Variants in ARHGEF1 observed in about 807,000 individuals in gnomAD.
ARHGEF1 encodes the protein Rho guanine nucleotide exchange factor 1, also known as 115 kDa guanine nucleotide exchange factor.
In ARHGEF1, 40 loss-of-function variants were observed where a neutral mutation model predicts 119.7. The ratio of observed to expected loss-of-function variants is 0.33; its 90% CI spans 0.26 to 0.44. ARHGEF1 has a LOEUF of 0.44. ARHGEF1 is among the 20% of genes least tolerant of loss of function. The pLI, the probability that ARHGEF1 is intolerant of heterozygous loss-of-function variation, is 1.00. For missense variants in ARHGEF1, 976 were observed against 1,268.3 expected (o/e 0.77, Z 3.50); for synonymous variants, 494 against 521.0 (o/e 0.95, Z 0.71).
In ARHGEF1 at chr19:41,903,494, C is replaced by A; in HGVS notation, c.1839+87C>A. 7.5e-7 allele frequency: 1 copy of A among 1,341,262 alleles called. No homozygotes were observed. The highest frequency in any genetic ancestry group is 1.0e-6 in the Non-Finnish European group (1 of 954,408). The allele number at this position is 1,341,262 out of a possible 1,614,324, so 83.1% of individuals were successfully genotyped here. A position where few individuals can be genotyped will look rare whatever the true frequency, so the allele number is the denominator to read the frequency against. On this transcript the variant is annotated intron_variant, in intron 19 of 28. Transcript: ENST00000354532. The surrounding 1 kb of genome is among the most constrained non-coding windows in gnomAD (Gnocchi z 4.2). ...TACCTCAGCCTGTCCAGAAGTCACA[C>A]CCCACCCCTTGGCTTGTCTCCCTCA...
downstream of ARHGEF1, chr19:41,908,975 TCTC>T (rs2074736477): frequency 1.1e-6 from 1 of 874,084 alleles, no homozygotes; most frequent in Non-Finnish European, 1.5e-6. The surrounding 1 kb of genome is among the most constrained non-coding windows in gnomAD (Gnocchi z 6.7). Flanking sequence ...CCCCATCTCT[TCTC>T]TTGTCTTTTC....
exon 2 of ARHGEF1, chr19:41,928,873 A>G (rs1555853587): frequency 6.6e-6 from 3 of 455,192 alleles, no homozygotes; most frequent in South Asian, 4.7e-5. Flanking sequence ...GGAGGTGGCG[A>G]CGATGCGTCC....
chr19:41,922,219 G>A (rs1004464794), upstream of ARHGEF1, among the ~76,000 whole-genome samples: 4 of 152,108 alleles, frequency 2.6e-5, no homozygotes, highest in Admixed American at 6.5e-5. Flanking sequence ...GACAGAGCCC[G>A]GGGCTTGGCA....
chr19:41,903,388 G>A lies in ARHGEF1; in HGVS notation c.1820G>A (p.Arg607His), dbSNP rs782286874. The A allele has an allele frequency of 1.9e-6, 3 of 1,614,000 alleles. No homozygotes were observed. The highest frequency in any genetic ancestry group is 1.7e-5 in the Admixed American group (1 of 60,022). ...CTACACCACGTCAACCAAGCCGTGC[G>A]TGACATGGAGGACCTGCTGGTGAGC... ...EILHHVNQAV[R>H]DMEDLLRLKD... is the part of the protein sequence containing the mutation. Residue 607 changes from arginine (R) to histidine (H), a missense_variant, in exon 19 of 29, where the codon CGT (arginine) becomes CAT (histidine). Transcript: ENST00000354532. The surrounding 1 kb of genome is among the most constrained non-coding windows in gnomAD (Gnocchi z 4.2).
Position 41,917,034 on chromosome 19 carries a change from G to A in ARHGEF1, c.1866-6058G>A, listed in dbSNP as rs2074805799. The stretch of plus-strand genomic sequence containing the variant: ...GGTGTGTGTGTGTGTGTGCACATAT[G>A]TGACACGTGCCCTTGTCTCAGACCT... On this transcript the variant is annotated intron_variant, in intron 18 of 20. Transcript: ENST00000599589. This position sits in a 1 kb window ranked among gnomAD's most constrained non-coding sequence, Gnocchi z 4.8. Among the ~76,000 whole-genome samples, 1 of 152,042 alleles carries A rather than the reference G, an allele frequency of 6.6e-6. No homozygotes were observed. Among genetic ancestry groups the A allele is most frequent in the Non-Finnish European group, 1.5e-5 (1 of 68,022 alleles).
chr19:41,892,342 G>T lies in ARHGEF1; in HGVS notation c.336G>T (p.Val112=), dbSNP rs1364833590. Residue 112 remains valine (V), a synonymous_variant, in exon 6 of 29, where the codon GTG becomes GTT. Transcript: ENST00000354532. This position sits in a 1 kb window ranked among gnomAD's most constrained non-coding sequence, Gnocchi z 6.3. ...TCTCTCTTGAGCAGGTTCTCCGGGTGCCGGTCCCTCCCAACGTCGCCTTTG... is the reference window on the plus strand; with the variant it reads ...TCTCTCTTGAGCAGGTTCTCCGGGTTCCGGTCCCTCCCAACGTCGCCTTTG... ...SFLEKTAVLR[V]PVPPNVAFEL... 10 of 1,613,874 alleles carry T rather than the reference G, an allele frequency of 6.2e-6. No individual in the cohort carries two copies. The highest frequency in any genetic ancestry group is 1.7e-5 in the Admixed American group (1 of 60,004).
upstream of ARHGEF1, among the ~76,000 whole-genome samples, chr19:41,922,218 C>T (rs527830002): frequency 1.7e-4 from 26 of 152,150 alleles, no homozygotes; most frequent in South Asian, 5.2e-3. Context: ...CGACAGAGCC[C>T]GGGGCTTGGC....
At chr19:41,908,989 T>C, downstream of ARHGEF1, 1 of 979,494 alleles carries the variant, frequency 1.0e-6, no homozygotes, top group South Asian at 5.4e-5. The surrounding 1 kb of genome is among the most constrained non-coding windows in gnomAD (Gnocchi z 6.7). Flanking sequence ...TTGTCTTTTC[T>C]CATCCTCTTC....
rs77535707 is a variant in ARHGEF1 at position 41,925,429 on chromosome 19, C to T, written c.140+2196C>T. On this transcript the variant is annotated intron_variant, in intron 1 of 2. Coordinates refer to the ARHGEF1 transcript ENST00000594417. The stretch of plus-strand genomic sequence containing the variant: ...GCCAAGGACAGACTCCTGCCCCAAA[C>T]GTGTGTGTGTAAAGTAATGTTGTGT... 9.8e-4 allele frequency among the ~76,000 whole-genome samples: 149 copies of T among 152,034 alleles called. No individual in the cohort carries two copies. In the East Asian group the frequency reaches 0.024, roughly 24 times the overall value.
rs548776443 is a variant in ARHGEF1 at position 41,902,319 on chromosome 19, A to C, written c.1460A>C (p.Tyr487Ser). Residue 487 changes from tyrosine (Y) to serine (S), a missense_variant, in exon 16 of 29, where the codon TAC becomes TCC. Transcript: ENST00000354532. This position sits in a 1 kb window ranked among gnomAD's most constrained non-coding sequence, Gnocchi z 6.5. Reference sequence around the variant, plus strand: ...ATGAAGCGGAGGCAGGAGAGTGGCTACCTCATCGAGGAGATCGGAGACGTG... The same window carrying C: ...ATGAAGCGGAGGCAGGAGAGTGGCTCCCTCATCGAGGAGATCGGAGACGTG... Reference protein sequence around the residue: ...RLMKRRQESGYLIEEIGDVLL... With the variant: ...RLMKRRQESGSLIEEIGDVLL... 2 of 1,613,988 alleles carry C rather than the reference A, an allele frequency of 1.2e-6. No homozygotes were observed. Among genetic ancestry groups the C allele is most frequent in the South Asian group, 2.2e-5 (2 of 91,082 alleles).
At position 41,907,360 on chromosome 19, in the gene ARHGEF1, G is replaced by C; in HGVS notation, c.*273G>C. 6.5e-7 allele frequency: 1 copy of C among 1,534,406 alleles called. No homozygotes were observed. Among genetic ancestry groups the C allele is most frequent in the Non-Finnish European group, 8.7e-7 (1 of 1,146,326 alleles). On this transcript the variant is annotated 3_prime_UTR_variant, in exon 29 of 29. Coordinates refer to ENST00000354532, the MANE Select transcript of ARHGEF1 (RefSeq NM_004706.4). ...GGGCCATCTCAGTATTGCCTGTGGG[G>C]GCCACCCCTCCACCCCCACCCCCAA...
At chr19:41,910,060 T>C, downstream of ARHGEF1, 3 of 1,613,412 alleles carry the variant, frequency 1.9e-6, no homozygotes, top group African/African-American at 1.3e-5. The surrounding 1 kb of genome is among the most constrained non-coding windows in gnomAD (Gnocchi z 4.4). Flanking sequence ...AGCCAGGGGA[T>C]GACTCTGGCT....
Position 41,893,261 on chromosome 19 carries a change from C to A in ARHGEF1, c.615-13C>A. On this transcript the variant is annotated splice_polypyrimidine_tract_variant and intron_variant, in intron 7 of 28. Transcript: ENST00000354532. ...TAGCAAATATGTCACAAACATCTCT[C>A]TTCCTCCTACAGACATACCATCTCT... 1 of 1,612,480 alleles carries A rather than the reference C, an allele frequency of 6.2e-7. No individual in the cohort carries two copies. The highest frequency in any genetic ancestry group is 1.1e-5 in the South Asian group (1 of 90,824).
chr19:41,885,267 A>G (rs920282631), intron 1 of ARHGEF1, among the ~76,000 whole-genome samples: 10 of 151,938 alleles, frequency 6.6e-5, no homozygotes, highest in African/African-American at 2.4e-4. Context: ...CCAACCCCCA[A>G]GCCTCTGTGG....
Position 41,905,014 on chromosome 19 carries a change from C to T in ARHGEF1, c.2227C>T (p.Gln743Ter), listed in dbSNP as rs781877132. The stretch of plus-strand genomic sequence containing the variant: ...GGCCCAGATATACGAGCTGGTGGCA[C>T]AGACTGTGTCGGAGCGGAAAAAGTG... ...QEAQIYELVA[Q>*]TVSERKNWCA... The change falls in exon 23 of 29, where the codon CAG (glutamine) becomes TAG (stop). Residue 743 changes from glutamine to a stop codon, truncating the protein, a stop_gained. Transcript: ENST00000354532. LOFTEE classifies it high-confidence loss of function. This position sits in a 1 kb window ranked among gnomAD's most constrained non-coding sequence, Gnocchi z 6.4. The T allele has an allele frequency of 6.2e-7, 1 of 1,614,162 alleles. No homozygotes were observed. Among genetic ancestry groups the T allele is most frequent in the Non-Finnish European group, 8.5e-7 (1 of 1,180,000 alleles).
downstream of ARHGEF1, chr19:41,907,607 A>C (rs2074723009): frequency 3.4e-6 from 2 of 580,590 alleles, no homozygotes; most frequent in Non-Finnish European, 5.9e-6. Context: ...GTTACTCCCC[A>C]GGCACTCCGT....
intron 13 of ARHGEF1, chr19:41,897,317 G>A (rs782775619): frequency 7.9e-7 from 1 of 1,271,810 alleles, no homozygotes; most frequent in South Asian, 1.3e-5. Context: ...CTCCCCAGAA[G>A]GTGGAAGAGG....
Position 41,892,930 on chromosome 19 carries a change from G to A in ARHGEF1, c.614+81G>A, listed in dbSNP as rs182142459. 3.9e-5 allele frequency: 55 copies of A among 1,425,716 alleles called. No homozygotes were observed. The African/African-American group carries it at 4.0e-4, about 10-fold the overall frequency. 88.3% of individuals were successfully genotyped at this position (1,425,716 alleles called of 1,614,324 possible). On this transcript the variant is annotated intron_variant, in intron 7 of 28. Coordinates refer to ENST00000354532, the MANE Select transcript of ARHGEF1 (RefSeq NM_004706.4). The surrounding 1 kb of genome is among the most constrained non-coding windows in gnomAD (Gnocchi z 6.3). ...TGCTACCTCTGGCATGTTCCATCCC[G>A]TTTGCAGGTTCCCTCTTCAGGGTCA... is the stretch of plus-strand genomic sequence containing the variant.
At position 41,907,297 on chromosome 19, in the gene ARHGEF1, G is replaced by T; in HGVS notation, c.*210G>T. Reference sequence around the variant, plus strand: ...TCTCCCTCCTGCCCTCTGCTTGGGGGACTCAGGGCTCCATTCTGGAGGGCA... The same window carrying T: ...TCTCCCTCCTGCCCTCTGCTTGGGGTACTCAGGGCTCCATTCTGGAGGGCA... On this transcript the variant is annotated 3_prime_UTR_variant, in exon 29 of 29. Transcript: ENST00000354532. 2.0e-6 allele frequency: 3 copies of T among 1,531,796 alleles called. No individual in the cohort carries two copies. Among genetic ancestry groups the T allele is most frequent in the Middle Eastern group, 1.7e-4 (1 of 5,950 alleles). 94.9% of individuals were successfully genotyped at this position (1,531,796 alleles called of 1,614,324 possible). A position where few individuals can be genotyped will look rare whatever the true frequency, so the allele number is the denominator to read the frequency against.
Sources: gnomAD v4.1 joint callset for allele counts (sites outside exome capture counted in the v4.1 genomes callset) on GRCh38, gnomAD v4.1.1 for gene constraint, Gnocchi (gnomAD v3.1) non-coding constraint, MANE v1.5 for transcripts, NCBI Gene and HGNC (gene_info 2026-07-23, HGNC 2026-07-21) for gene names.